KLF13: variants seen among roughly 807,000 people sequenced by gnomAD.
KLF13 encodes the protein Krueppel-like factor 13.
Under a neutral mutation model 16.7 loss-of-function variants are expected in KLF13, and 8 were observed. The observed-to-expected ratio is 0.48, with a 90% confidence interval of 0.28 to 0.87. KLF13 has a LOEUF of 0.87. Among genes scored for constraint, KLF13 ranks in the 40% least tolerant of loss-of-function variants. KLF13 has a pLI of 0.10. For synonymous variants in KLF13, 245 were observed against 208.4 expected (o/e 1.18, Z -1.51); for missense variants, 447 against 452.2 (o/e 0.99, Z 0.10).
intron 1 of KLF13, among the ~76,000 whole-genome samples, chr15:31,336,141 G>A (rs887216065): frequency 1.3e-5 from 2 of 152,264 alleles, no homozygotes; most frequent in Non-Finnish European, 2.9e-5. Flanking sequence ...GCAGCCTGGC[G>A]AGTGGTCAGG....
intron 1 of KLF13, among the ~76,000 whole-genome samples, chr15:31,332,571 T>G (rs1339203649): frequency 6.6e-6 from 1 of 152,162 alleles, no homozygotes; most frequent in African/African-American, 2.4e-5. Flanking sequence ...TAGGACGCAG[T>G]TCATTAAACC....
intron 1 of KLF13, among the ~76,000 whole-genome samples, chr15:31,428,669 G>A (rs901461635): frequency 3.3e-5 from 5 of 151,788 alleles, no homozygotes; most frequent in Admixed American, 6.6e-5. Context: ...TTAGCCAGGC[G>A]TGGTGGCGGG....
At chr15:31,419,815 G>A (rs1000296447) in intron 1 of KLF13, among the ~76,000 whole-genome samples, 19 of 152,154 alleles carry the variant, frequency 1.2e-4, no homozygotes, top group African/African-American at 4.6e-4. Context: ...AATTCTAGAA[G>A]CTCGAAGGAT....
rs79090605 is a variant in KLF13 at position 31,419,773 on chromosome 15, C to T, written n.118-15597C>T. On this transcript the variant is annotated intron_variant and non_coding_transcript_variant, in intron 1 of 1. Coordinates refer to the KLF13 transcript ENST00000558225. ...TTATTTGAAGAAATAATGGCCCAAA[C>T]TTCCAAATCTAAGGAAGAAAATGGA... Among the ~76,000 whole-genome samples the T allele has an allele frequency of 7.9e-3, 1,198 of 152,276 alleles. 16 individuals carry two copies. The highest frequency in any genetic ancestry group is 0.028 in the African/African-American group (1,152 of 41,546).
At chr15:31,345,457 G>A (rs537848157) in intron 1 of KLF13, among the ~76,000 whole-genome samples, 1 of 152,194 alleles carries the variant, frequency 6.6e-6, no homozygotes, top group Admixed American at 6.5e-5. Flanking sequence ...CCTGCCTGGA[G>A]AGCACTGGGG....
At chr15:31,398,007 T>C (rs1424340609) in intron 2 of KLF13, among the ~76,000 whole-genome samples, 1 of 151,776 alleles carries the variant, frequency 6.6e-6, no homozygotes, top group Non-Finnish European at 1.5e-5. Context: ...CGACCCTGAG[T>C]TTATCTTGGG....
intron 1 of KLF13, among the ~76,000 whole-genome samples, chr15:31,359,829 C>T (rs968694087): frequency 1.5e-4 from 23 of 152,186 alleles, no homozygotes; most frequent in African/African-American, 2.4e-5. Flanking sequence ...GCTCCGTGTG[C>T]TTACTCTCCC....
intron 1 of KLF13, among the ~76,000 whole-genome samples, chr15:31,346,195 C>T (rs1456716788): frequency 3.3e-5 from 5 of 152,166 alleles, no homozygotes; most frequent in Non-Finnish European, 7.3e-5. Flanking sequence ...GAAGATTACC[C>T]ATCTGTGGCT....
chr15:31,411,732 C>A (rs1045044188), intron 1 of KLF13, among the ~76,000 whole-genome samples: 21 of 152,000 alleles, frequency 1.4e-4, no homozygotes, highest in African/African-American at 3.9e-4. Context: ...AAAAAGAAAA[C>A]CATATGATTA....
intron 1 of KLF13, among the ~76,000 whole-genome samples, chr15:31,352,565 T>C (rs1427186564): frequency 1.3e-5 from 2 of 152,182 alleles, no homozygotes; most frequent in African/African-American, 4.8e-5. Flanking sequence ...CTCTGGCTCC[T>C]GGCCCTGTGC....
At chr15:31,353,584 G>T (rs547784207) in intron 1 of KLF13, among the ~76,000 whole-genome samples, 1 of 152,348 alleles carries the variant, frequency 6.6e-6, no homozygotes, top group Admixed American at 6.5e-5. Context: ...GTTGTCCTCA[G>T]CTGACCTCAG....
intron 1 of KLF13, among the ~76,000 whole-genome samples, chr15:31,363,598 T>A (rs1399345034): frequency 2.0e-5 from 3 of 152,230 alleles, no homozygotes; most frequent in African/African-American, 7.2e-5. Context: ...GTGATTCTCC[T>A]GTCTCAGCCT....
rs111677050 is a variant in KLF13 at position 31,423,273 on chromosome 15, AAGG to A, written n.118-12094_118-12092del. Among the ~76,000 whole-genome samples the A allele has an allele frequency of 2.0e-3, 299 of 149,212 alleles. 2 individuals carry two copies. The highest frequency in any genetic ancestry group is 0.017 in the Middle Eastern group (5 of 286). ...CAAATAGGCAGTAACACAGTAATAGAAGGAGATTTTAATACCTTGCTTTCAATA... is the reference window on the plus strand; with the variant it reads ...CAAATAGGCAGTAACACAGTAATAGAAGATTTTAATACCTTGCTTTCAATA... On this transcript the variant is annotated intron_variant and non_coding_transcript_variant, in intron 1 of 1. Transcript: ENST00000558225.
chr15:31,343,911 G>A (rs2039070416), intron 1 of KLF13, among the ~76,000 whole-genome samples: 1 of 152,132 alleles, frequency 6.6e-6, no homozygotes, highest in Non-Finnish European at 1.5e-5. Context: ...CCATACTTCT[G>A]GTCACTTGTC....
intron 1 of KLF13, among the ~76,000 whole-genome samples, chr15:31,347,256 C>T (rs980071540): frequency 2.6e-5 from 4 of 152,186 alleles, no homozygotes; most frequent in African/African-American, 9.7e-5. Context: ...GGGTGACCAG[C>T]TTCTCTGCTG....
chr15:31,400,360 A>T (rs1177994530), intron 2 of KLF13, among the ~76,000 whole-genome samples: 1 of 152,214 alleles, frequency 6.6e-6, no homozygotes, highest in African/African-American at 2.4e-5. Flanking sequence ...AGTGAAGGAC[A>T]GAAGGGGACC....
intron 1 of KLF13, among the ~76,000 whole-genome samples, chr15:31,370,049 T>TTC (rs1555376896): frequency 6.6e-4 from 98 of 149,250 alleles, no homozygotes; most frequent in African/African-American, 2.2e-3. Context: ...TTTTTCTTTT[T>TTC]TTTTTTTTTT....
At chr15:31,401,440 T>A (rs1358175186) in intron 2 of KLF13, among the ~76,000 whole-genome samples, 1 of 151,732 alleles carries the variant, frequency 6.6e-6, no homozygotes, top group East Asian at 1.9e-4. Flanking sequence ...AAGGCACGGG[T>A]AGGGGTGAAG....
chr15:31,384,529 C>T (rs1444092913), intron 1 of KLF13, among the ~76,000 whole-genome samples: 3 of 152,184 alleles, frequency 2.0e-5, no homozygotes, highest in African/African-American at 7.2e-5. Context: ...TTTGTATGCT[C>T]TCTAAATTCT....
Sources: allele counts gnomAD v4.1 joint callset (sites outside exome capture counted in the v4.1 genomes callset), GRCh38; gene constraint gnomAD v4.1.1; transcripts MANE v1.5; gene names NCBI Gene and HGNC (gene_info 2026-07-23, HGNC 2026-07-21).